The following GARNL3 variants were observed in gnomAD, a reference collection of about 807,000 sequenced individuals.
GARNL3 encodes the protein GTPase-activating Rap/Ran-GAP domain-like protein 3.
GARNL3 carries 63 observed loss-of-function variants against 125.0 expected under a neutral mutation model. The ratio of observed to expected loss-of-function variants is 0.50; its 90% CI spans 0.41 to 0.62. GARNL3 has a LOEUF of 0.62. Among genes scored for constraint, GARNL3 ranks in the 20% least tolerant of loss-of-function variants. The pLI is 0.00. For synonymous variants in GARNL3, 439 were observed against 457.5 expected (o/e 0.96, Z 0.52); for missense variants, 994 against 1,244.0 (o/e 0.80, Z 3.02).
At chr9:127,305,792 A>G (rs2064938152) in intron 2 of GARNL3, among the ~76,000 whole-genome samples, 2 of 152,018 alleles carry the variant, frequency 1.3e-5, no homozygotes, top group African/African-American at 4.8e-5. Context: ...TAAAGACAGG[A>G]TCTAACTATG....
At chr9:127,248,418 C>G (rs2063339475) in intron 2 of GARNL3, among the ~76,000 whole-genome samples, 1 of 152,112 alleles carries the variant, frequency 6.6e-6, no homozygotes. Flanking sequence ...ATTTCCCTTG[C>G]AGCTGACCTG....
At chr9:127,263,994 G>A, upstream of GARNL3, 1 of 1,524,568 alleles carries the variant, frequency 6.6e-7, no homozygotes, top group Non-Finnish European at 8.8e-7. Flanking sequence ...AAGGAAGGAT[G>A]AAAAGGTACT....
At position 127,384,598 on chromosome 9, in the gene GARNL3, TG is replaced by T. The variant is rs1372829070; in HGVS notation, c.2270-428del. Among the ~76,000 whole-genome samples the T allele has an allele frequency of 6.6e-6, 1 of 152,132 alleles. No individual in the cohort carries two copies. The highest frequency in any genetic ancestry group is 1.5e-5 in the Non-Finnish European group (1 of 68,006). On this transcript the variant is annotated intron_variant, in intron 23 of 27. Coordinates refer to ENST00000373387, the MANE Select transcript of GARNL3 (RefSeq NM_032293.5). This position sits in a 1 kb window ranked among gnomAD's most constrained non-coding sequence, Gnocchi z 4.0. ...AGCACATGGGAGGAGCGAGGAGCAC[TG>T]AGGGACACCAGGGCTGGGCCTTGAA...
At chr9:127,356,768 C>T (rs1460992614) in intron 20 of GARNL3, among the ~76,000 whole-genome samples, 2 of 152,210 alleles carry the variant, frequency 1.3e-5, no homozygotes, top group African/African-American at 4.8e-5. Context: ...TTTGTGATGA[C>T]TTTTAAGCCT....
chr9:127,392,463 G>A lies in GARNL3; in HGVS notation c.2871-620G>A, dbSNP rs144332362. ...GCAACTACCTCAGGGCAAGGGCCCC[G>A]AAGCAGGCCTAGCATGGCCAGTTAA... On this transcript the variant is annotated intron_variant, in intron 27 of 27. Transcript: ENST00000373387. The surrounding 1 kb of genome is among the most constrained non-coding windows in gnomAD (Gnocchi z 5.2). Among the ~76,000 whole-genome samples the A allele has an allele frequency of 1.1e-4, 16 of 152,356 alleles. No homozygotes were observed. The highest frequency in any genetic ancestry group is 3.6e-4 in the African/African-American group (15 of 41,582).
chr9:127,258,243 G>C (rs550880423), intron 2 of GARNL3, among the ~76,000 whole-genome samples: 2 of 152,220 alleles, frequency 1.3e-5, no homozygotes, highest in African/African-American at 4.8e-5. Flanking sequence ...AAAGTGCCCT[G>C]ATTTCCTGGG....
intron 1 of GARNL3, among the ~76,000 whole-genome samples, chr9:127,269,786 G>GTTT (rs57287183): frequency 1.8e-4 from 24 of 129,808 alleles, no homozygotes; most frequent in South Asian, 4.9e-4. Flanking sequence ...TGTTTTTTGT[G>GTTT]TTTTTTTTTT....
At chr9:127,238,700 A>G (rs1446992370) in intron 1 of GARNL3, among the ~76,000 whole-genome samples, 1 of 151,980 alleles carries the variant, frequency 6.6e-6, no homozygotes, top group Non-Finnish European at 1.5e-5. Context: ...AAATCTGCCT[A>G]TTGCAGTATT....
intron 2 of GARNL3, among the ~76,000 whole-genome samples, chr9:127,298,882 A>G (rs2064691005): frequency 6.6e-6 from 1 of 152,254 alleles, no homozygotes; most frequent in Non-Finnish European, 1.5e-5. Flanking sequence ...ACATCAAAGA[A>G]GCAAGAAGAT....
chr9:127,355,327 A>G lies in GARNL3; in HGVS notation c.1790A>G (p.His597Arg). Residue 597 changes from histidine to arginine, a missense_variant, in exon 20 of 28, where the codon CAC becomes CGC. Physicochemically the swap from His to Arg is conservative, Grantham distance 29. Around this residue, in one of 5 missense-constraint regions of GARNL3, gnomAD observed 728 missense variants for 865.7 expected, o/e 0.84. Coordinates refer to ENST00000373387, the MANE Select transcript of GARNL3 (RefSeq NM_032293.5). Reference sequence around the variant, plus strand: ...CACCTGTATGCTATTAACACTCACCACAGCAGAGAGCTGAGGATTGTGGTT... The same window carrying G: ...CACCTGTATGCTATTAACACTCACCGCAGCAGAGAGCTGAGGATTGTGGTT... ...GCHLYAINTHHSRELRIVVAI... is the reference protein window; with the variant it reads ...GCHLYAINTHRSRELRIVVAI... 6.2e-7 allele frequency: 1 copy of G among 1,614,150 alleles called. No individual in the cohort carries two copies. Among genetic ancestry groups the G allele is most frequent in the Non-Finnish European group, 8.5e-7 (1 of 1,180,014 alleles).
At chr9:127,264,298 A>G (rs1479602776), upstream of GARNL3, 1 of 241,724 alleles carries the variant, frequency 4.1e-6, no homozygotes, top group Non-Finnish European at 7.5e-6. Flanking sequence ...ACAACATGTG[A>G]TTTTTGAAAT....
intron 7 of GARNL3, among the ~76,000 whole-genome samples, chr9:127,329,345 T>A (rs547849938): frequency 6.6e-6 from 1 of 152,126 alleles, no homozygotes; most frequent in African/African-American, 2.4e-5. Flanking sequence ...AAAACAGATA[T>A]AAGCTAGGGC....
chr9:127,313,479 CCTTT>C lies in GARNL3; in HGVS notation c.362_365del (p.Phe121SerfsTer4). ...CATTGGAAACGATGCCGAGAAGAGCCCTTTCTTCTTGTCCGTGACCCTTTCTGAC... is the reference window on the plus strand; with the variant it reads ...CATTGGAAACGATGCCGAGAAGAGCCCTTCTTGTCCGTGACCCTTTCTGAC... On this transcript the variant is annotated frameshift_variant, in exon 4 of 28. Transcript: ENST00000373387. LOFTEE classifies it high-confidence loss of function. 1.2e-6 allele frequency: 2 copies of C among 1,613,948 alleles called. No individual in the cohort carries two copies. The highest frequency in any genetic ancestry group is 1.7e-6 in the Non-Finnish European group (2 of 1,179,826).
intron 2 of GARNL3, among the ~76,000 whole-genome samples, chr9:127,310,548 A>G (rs984350008): frequency 3.9e-5 from 6 of 152,046 alleles, no homozygotes; most frequent in African/African-American, 1.4e-4. Flanking sequence ...TTGGGAGACC[A>G]ATAATCACTT....
In GARNL3 at chr9:127,385,190, C is replaced by G; in HGVS notation, c.2388+45C>G. 1 of 1,250,992 alleles carries G rather than the reference C, an allele frequency of 8.0e-7. No homozygotes were observed. The allele number at this position is 1,250,992 out of a possible 1,614,324, so 77.5% of individuals were successfully genotyped here. On this transcript the variant is annotated intron_variant, in intron 24 of 27. Coordinates refer to ENST00000373387, the MANE Select transcript of GARNL3 (RefSeq NM_032293.5). This position sits in a 1 kb window ranked among gnomAD's most constrained non-coding sequence, Gnocchi z 4.1. ...TATCTCTGAGTGGTTTGGGGGACCC[C>G]GGCACTGTGGGATTTCAGGTGAGCA...
At position 127,353,887 on chromosome 9, in the gene GARNL3, G is replaced by T. The variant is rs1361629722; in HGVS notation, c.1585G>T (p.Val529Leu). 1 of 1,614,018 alleles carries T rather than the reference G, an allele frequency of 6.2e-7. No homozygotes were observed. Among genetic ancestry groups the T allele is most frequent in the Non-Finnish European group, 8.5e-7 (1 of 1,179,868 alleles). The change falls in exon 18 of 28, where the codon GTG (valine) becomes TTG (leucine). Residue 529 changes from valine (V) to leucine (L), a missense_variant. Physicochemically the swap from Val to Leu is conservative, Grantham distance 32. Coordinates refer to ENST00000373387, the MANE Select transcript of GARNL3 (RefSeq NM_032293.5). ...SVPVFDRTLP[V>L]KQMHVLETLD... is the part of the protein sequence containing the mutation. The stretch of plus-strand genomic sequence containing the variant: ...GCCCGTGTTTGACAGAACTCTGCCA[G>T]TGAAGCAAATGCATGTGCTTGAGAC...
chr9:127,315,716 A>T (rs1288636312), intron 4 of GARNL3, among the ~76,000 whole-genome samples: 3 of 152,218 alleles, frequency 2.0e-5, no homozygotes, highest in African/African-American at 7.2e-5. Flanking sequence ...AGTCTTGCAT[A>T]TCTCTACTGT....
intron 2 of GARNL3, among the ~76,000 whole-genome samples, chr9:127,296,813 C>G (rs942794223): frequency 6.6e-6 from 1 of 151,928 alleles, no homozygotes; most frequent in African/African-American, 2.4e-5. Context: ...GGATGACTGC[C>G]TCAATCTTCA....
In GARNL3 at chr9:127,365,289, T is replaced by C. The variant is rs1831225560; in HGVS notation, c.2095-11T>C. On this transcript the variant is annotated splice_polypyrimidine_tract_variant and intron_variant, in intron 21 of 27. Coordinates refer to ENST00000373387, the MANE Select transcript of GARNL3 (RefSeq NM_032293.5). ...CAGCCTGCCCACTACCGTTGCCCGTTATCATTGCAGGTTAATTTTGTTGCA... is the reference window on the plus strand; with the variant it reads ...CAGCCTGCCCACTACCGTTGCCCGTCATCATTGCAGGTTAATTTTGTTGCA... 1 of 1,612,192 alleles carries C rather than the reference T, an allele frequency of 6.2e-7. No individual in the cohort carries two copies. Among genetic ancestry groups the C allele is most frequent in the African/African-American group, 1.3e-5 (1 of 74,894 alleles).
Sources: gnomAD v4.1 joint callset for allele counts (sites outside exome capture counted in the v4.1 genomes callset) on GRCh38, gnomAD v4.1.1 for gene constraint, gnomAD v4.1.1 regional missense constraint, Gnocchi (gnomAD v3.1) non-coding constraint, MANE v1.5 for transcripts, NCBI Gene and HGNC (gene_info 2026-07-23, HGNC 2026-07-21) for gene names.